Variants in DAAM2 observed in about 807,000 individuals in gnomAD.
DAAM2 encodes the protein dishevelled associated activator of morphogenesis 2, also known as disheveled-associated activator of morphogenesis 2.
In DAAM2, 39 loss-of-function variants were observed where a neutral mutation model predicts 120.7. The observed-to-expected ratio is 0.32, with a 90% CI of 0.25 to 0.42. The LOEUF is 0.42. Among genes scored for constraint, DAAM2 ranks in the 10% least tolerant of loss-of-function variants. The pLI, the probability that DAAM2 is intolerant of heterozygous loss-of-function variation, is 1.00. For missense variants in DAAM2, 1,283 were observed against 1,401.7 expected (o/e 0.92, Z 1.35); for synonymous variants, 488 against 524.9 (o/e 0.93, Z 0.96).
At chr6:39,817,247 A>G (rs1476230438) in intron 1 of DAAM2, among the ~76,000 whole-genome samples, 1 of 152,194 alleles carries the variant, frequency 6.6e-6, no homozygotes, top group Non-Finnish European at 1.5e-5. Context: ...TGATTCTATT[A>G]CTTTTCTGGG....
chr6:39,882,443 C>T (rs1765162873), intron 14 of DAAM2: 1 of 152,124 alleles, frequency 6.6e-6, no homozygotes, highest in South Asian at 2.1e-4. Context: ...CGTTTCTTCT[C>T]ACCCCAGCCT....
At chr6:39,854,207 C>T (rs1329062094) in intron 1 of DAAM2, among the ~76,000 whole-genome samples, 2 of 152,200 alleles carry the variant, frequency 1.3e-5, no homozygotes, top group Non-Finnish European at 2.9e-5. Context: ...TGCTAGTAGT[C>T]AAGATTTCCA....
At chr6:39,846,733 G>T (rs528351625) in intron 1 of DAAM2, among the ~76,000 whole-genome samples, 6 of 145,318 alleles carry the variant, frequency 4.1e-5, no homozygotes, top group Admixed American at 2.8e-4. Context: ...GTCTCGCTCT[G>T]TTGCCCCACA....
At chr6:39,888,517 T>A (rs1041383994) in intron 16 of DAAM2, 162 bp from the exon 17 acceptor site, 1 of 539,288 alleles carries the variant, frequency 1.9e-6, no homozygotes, top group Admixed American at 3.1e-5. Flanking sequence ...GTGGACTGAA[T>A]CATACTAGTC....
intron 1 of DAAM2, among the ~76,000 whole-genome samples, chr6:39,815,736 G>C (rs1261471688): frequency 2.6e-5 from 4 of 152,048 alleles, no homozygotes; most frequent in Non-Finnish European, 4.4e-5. Flanking sequence ...GGTCTGGGGA[G>C]ACCAAGGGTA....
intron 3 of DAAM2, 122 bp downstream of exon 3, chr6:39,861,139 G>C: frequency 2.6e-6 from 2 of 774,212 alleles, no homozygotes; most frequent in Non-Finnish European, 4.5e-6. Flanking sequence ...TCTAGGTGTT[G>C]GAGGAACAAC....
intron 5 of DAAM2, 176 bp from the exon 6 acceptor site, chr6:39,867,327 TAAGACAC>T (rs1764471854): frequency 3.3e-6 from 2 of 608,636 alleles, no homozygotes; most frequent in Admixed American, 5.9e-5. Flanking sequence ...AAAATGCAAA[TAAGACAC>T]AAGTCTTTTG....
At chr6:39,797,084 TG>T in intron 1 of DAAM2, among the ~76,000 whole-genome samples, 2 of 152,312 alleles carry the variant, frequency 1.3e-5, no homozygotes, top group Admixed American at 1.3e-4. Flanking sequence ...TATACAAAAG[TG>T]GGGCACAGAA....
intron 15 of DAAM2, chr6:39,886,755 G>A (rs1002180601): frequency 2.6e-5 from 8 of 312,980 alleles, no homozygotes; most frequent in Admixed American, 5.0e-5. Flanking sequence ...GGGTAGGCAC[G>A]ACACAATTCA....
chr6:39,835,721 G>A (rs938116017), intron 1 of DAAM2, among the ~76,000 whole-genome samples: 2 of 152,248 alleles, frequency 1.3e-5, no homozygotes, highest in African/African-American at 2.4e-5. Context: ...ATGGGTTGGC[G>A]AAGATGCCGA....
At chr6:39,900,547 T>G (rs561746677) in intron 23 of DAAM2, among the ~76,000 whole-genome samples, 1 of 152,200 alleles carries the variant, frequency 6.6e-6, no homozygotes, top group Non-Finnish European at 1.5e-5. Flanking sequence ...CTGTAAGTTA[T>G]AGAACTGGGT....
intron 3 of DAAM2, 88 bp from the exon 4 acceptor site, chr6:39,864,345 C>A (rs1452375813): frequency 1.0e-5 from 10 of 969,802 alleles, no homozygotes; most frequent in South Asian, 1.5e-5. Context: ...AGAAATGAAT[C>A]CCTCTGCTGA....
At chr6:39,828,254 G>A (rs1163159898) in intron 1 of DAAM2, among the ~76,000 whole-genome samples, 1 of 152,190 alleles carries the variant, frequency 6.6e-6, no homozygotes, top group Non-Finnish European at 1.5e-5. Flanking sequence ...CTGGACTTTG[G>A]GAAGTGCAAG....
chr6:39,866,495 CATTA>C (rs1421117033), intron 5 of DAAM2, among the ~76,000 whole-genome samples: 1 of 152,122 alleles, frequency 6.6e-6, no homozygotes, highest in Non-Finnish European at 1.5e-5. Flanking sequence ...TTTCTTAGAT[CATTA>C]ATTATTTTAC....
At chr6:39,816,538 G>A (rs1562000600) in intron 1 of DAAM2, among the ~76,000 whole-genome samples, 1 of 152,248 alleles carries the variant, frequency 6.6e-6, no homozygotes, top group East Asian at 1.9e-4. Context: ...ATGTCTCTGG[G>A]GGCAGGGGGT....
chr6:39,797,777 G>T (rs1012848016), intron 1 of DAAM2, among the ~76,000 whole-genome samples: 1 of 152,244 alleles, frequency 6.6e-6, no homozygotes, highest in South Asian at 2.1e-4. Context: ...CCCTATGAGG[G>T]TGCAGACTTC....
chr6:39,864,959 T>C (rs1306608322), intron 4 of DAAM2, 21 bp from the exon 5 acceptor site: 1 of 1,586,478 alleles, frequency 6.3e-7, no homozygotes, highest in South Asian at 1.2e-5. Context: ...AGGCAGCCCC[T>C]TTCTACCTGC....
Position 39,901,609 on chromosome 6 carries a change from GGAGAGA to G in DAAM2, c.2982+140_2982+145del, listed in dbSNP as rs1170431194. The G allele has an allele frequency of 3.6e-6, 4 of 1,104,516 alleles. No individual in the cohort carries two copies. Among genetic ancestry groups the G allele is most frequent in the Non-Finnish European group, 5.0e-6 (4 of 794,418 alleles). The allele number at this position is 1,104,516 out of a possible 1,614,324, so 68.4% of individuals were successfully genotyped here. On this transcript the variant is annotated intron_variant, in intron 24 of 24. Coordinates refer to ENST00000274867, the MANE Select transcript of DAAM2 (RefSeq NM_001201427.2). The surrounding 1 kb of genome is among the most constrained non-coding windows in gnomAD (Gnocchi z 4.5). ...CCATAGGGGTTGGATGTCAGCCCCA[GGAGAGA>G]GAAACTTCTTCCCAGCCTGAGGGAA...
rs766449073 is a variant in DAAM2, at chr6:39,897,258, A to G, written c.2594A>G (p.His865Arg). ...DILNMPSELQ[H>R]LPEAAKVNLA... is the part of the protein sequence containing the mutation. Reference sequence around the variant, plus strand: ...CTAAACATGCCTTCAGAGCTGCAACATCTTCCAGAAGCTGCCAAAGTCAAG... The same window carrying G: ...CTAAACATGCCTTCAGAGCTGCAACGTCTTCCAGAAGCTGCCAAAGTCAAG... Residue 865 changes from histidine (H) to arginine (R), a missense_variant, in exon 21 of 25, where the codon CAT becomes CGT. Physicochemically the swap from His to Arg is conservative, Grantham distance 29. Coordinates refer to ENST00000274867, the MANE Select transcript of DAAM2 (RefSeq NM_001201427.2). The G allele has an allele frequency of 6.2e-7, 1 of 1,612,392 alleles. No homozygotes were observed. Among genetic ancestry groups the G allele is most frequent in the South Asian group, 1.1e-5 (1 of 91,042 alleles).
Sources: gnomAD v4.1 joint callset for allele counts (sites outside exome capture counted in the v4.1 genomes callset) on GRCh38, gnomAD v4.1.1 for gene constraint, Gnocchi (gnomAD v3.1) non-coding constraint, MANE v1.5 for transcripts, NCBI Gene and HGNC (gene_info 2026-07-23, HGNC 2026-07-21) for gene names.